Variants in GPM6A observed in about 807,000 individuals in gnomAD.
GPM6A encodes neuronal membrane glycoprotein M6-a.
GPM6A carries 7 observed loss-of-function variants against 32.1 expected under a neutral mutation model. That is an observed-to-expected ratio of 0.22 (90% CI 0.12 to 0.41). The LOEUF is 0.41. Ranked by LOEUF, GPM6A falls within the 10% of genes least tolerant of loss-of-function variation. GPM6A has a pLI of 1.00. For missense variants in GPM6A, 235 were observed against 347.2 expected (o/e 0.68, Z 2.57); for synonymous variants, 130 against 123.4 (o/e 1.05, Z -0.35).
intron 2 of GPM6A, among the ~76,000 whole-genome samples, chr4:175,697,550 T>C (rs539429765): frequency 1.3e-5 from 2 of 152,142 alleles, no homozygotes; most frequent in Non-Finnish European, 2.9e-5. Flanking sequence ...AGTTGCACAC[T>C]TCTTATCAAA....
intron 2 of GPM6A, among the ~76,000 whole-genome samples, chr4:175,674,139 T>A (rs1743234139): frequency 6.6e-6 from 1 of 152,220 alleles, no homozygotes; most frequent in Non-Finnish European, 1.5e-5. Flanking sequence ...AAGCAATAAA[T>A]TATACTTCTA....
chr4:175,769,522 C>A (rs935921287), intron 1 of GPM6A, among the ~76,000 whole-genome samples: 4 of 151,820 alleles, frequency 2.6e-5, no homozygotes, highest in Non-Finnish European at 5.9e-5. Flanking sequence ...CCAGGGCCCC[C>A]CTGTGACTCA....
chr4:175,634,856 T>C lies in GPM6A; in HGVS notation c.*49A>G. ...AAAGGTTGGATGGTTGGATGGCCCT[T>C]AGTTAAACACCAATGCATTCAAATG... On this transcript the variant is annotated 3_prime_UTR_variant, in exon 7 of 7. Transcript: ENST00000393658. 1 of 1,521,400 alleles carries C rather than the reference T, an allele frequency of 6.6e-7. No individual in the cohort carries two copies. The highest frequency in any genetic ancestry group is 9.1e-7 in the Non-Finnish European group (1 of 1,102,028). The allele number at this position is 1,521,400 out of a possible 1,614,324, so 94.2% of individuals were successfully genotyped here.
chr4:175,696,565 T>C (rs756741673), intron 2 of GPM6A, among the ~76,000 whole-genome samples: 2 of 152,222 alleles, frequency 1.3e-5, no homozygotes, highest in Non-Finnish European at 2.9e-5. Context: ...TTTTCTAACA[T>C]GAGTTCTAGT....
intron 2 of GPM6A, among the ~76,000 whole-genome samples, chr4:175,680,586 A>G (rs1162232444): frequency 6.6e-6 from 1 of 152,144 alleles, no homozygotes; most frequent in Non-Finnish European, 1.5e-5. Context: ...CACGTTGTCC[A>G]TCTCATCCAT....
intron 1 of GPM6A, among the ~76,000 whole-genome samples, chr4:175,977,994 A>G (rs1398652742): frequency 6.6e-6 from 1 of 152,154 alleles, no homozygotes; most frequent in Non-Finnish European, 1.5e-5. Context: ...GTTTCTCCAA[A>G]TTTTCCAAAC....
At chr4:175,775,592 G>A (rs1733361702) in intron 1 of GPM6A, among the ~76,000 whole-genome samples, 1 of 152,028 alleles carries the variant, frequency 6.6e-6, no homozygotes, top group South Asian at 2.1e-4. Context: ...TGGCAAATTT[G>A]ATGGAGCAGA....
intron 2 of GPM6A, among the ~76,000 whole-genome samples, chr4:175,678,860 G>GA (rs1743523147): frequency 6.6e-6 from 1 of 152,058 alleles, no homozygotes; most frequent in Admixed American, 6.6e-5. Context: ...CAAATTTACA[G>GA]AAAAAAGTTG....
intron 1 of GPM6A, among the ~76,000 whole-genome samples, chr4:175,991,958 C>A (rs1264134592): frequency 6.6e-6 from 1 of 151,582 alleles, no homozygotes; most frequent in Non-Finnish European, 1.5e-5. Context: ...ATGATTCCAT[C>A]ATAACAGCCA....
chr4:175,893,994 G>A (rs1424033618), intron 1 of GPM6A, among the ~76,000 whole-genome samples: 1 of 152,028 alleles, frequency 6.6e-6, no homozygotes, highest in Non-Finnish European at 1.5e-5. Flanking sequence ...AAATGGATTG[G>A]TCAAAAATCC....
At chr4:175,989,596 C>T (rs1741077051) in intron 1 of GPM6A, among the ~76,000 whole-genome samples, 1 of 151,988 alleles carries the variant, frequency 6.6e-6, no homozygotes, top group African/African-American at 2.4e-5. Flanking sequence ...CCTGCAATTA[C>T]CAACACTTAA....
rs549359924 is a variant in GPM6A at position 175,752,901 on chromosome 4, T to C, written c.38-51134A>G. ...CAGAGAGTGAGACGACTCTGTCCAA[T>C]GGTTCGAAAGGAAAACGTCATGCTT... On this transcript the variant is annotated intron_variant, in intron 1 of 6. Coordinates refer to ENST00000393658, the MANE Select transcript of GPM6A (RefSeq NM_201591.3). Among the ~76,000 whole-genome samples, 11 of 152,254 alleles carry C rather than the reference T, an allele frequency of 7.2e-5. No homozygotes were observed. The South Asian group carries it at 2.3e-3, about 32-fold the overall frequency.
chr4:175,699,228 T>A (rs771168365), intron 2 of GPM6A, among the ~76,000 whole-genome samples: 5 of 152,166 alleles, frequency 3.3e-5, no homozygotes, highest in Non-Finnish European at 7.4e-5. Flanking sequence ...CTTAAGACTC[T>A]CTAAAAGCTA....
rs367985622 is a variant in GPM6A, at chr4:175,781,854, TATTCAGTTA to T, written c.37+30328_37+30336del. 7.2e-5 allele frequency among the ~76,000 whole-genome samples: 11 copies of T among 152,314 alleles called. No homozygotes were observed. In the East Asian group the frequency reaches 2.1e-3, roughly 29 times the overall value. ...TATACTCATGAGACCTTCATTATAATATTCAGTTACCACAAATATTTCCTCCAGTATACA... is the reference window on the plus strand; with the variant it reads ...TATACTCATGAGACCTTCATTATAATCCACAAATATTTCCTCCAGTATACA... On this transcript the variant is annotated intron_variant, in intron 1 of 6. Coordinates refer to ENST00000393658, the MANE Select transcript of GPM6A (RefSeq NM_201591.3).
chr4:175,878,818 A>G (rs1737174474), intron 1 of GPM6A, among the ~76,000 whole-genome samples: 1 of 152,034 alleles, frequency 6.6e-6, no homozygotes, highest in South Asian at 2.1e-4. Flanking sequence ...CTATCACATC[A>G]CCAGGCAGCA....
At chr4:175,993,810 G>A (rs908310769) in intron 1 of GPM6A, among the ~76,000 whole-genome samples, 2 of 152,064 alleles carry the variant, frequency 1.3e-5, no homozygotes, top group Non-Finnish European at 2.9e-5. Flanking sequence ...AATGCAAGGA[G>A]GAAGCAGCTG....
intron 1 of GPM6A, among the ~76,000 whole-genome samples, chr4:175,980,094 C>T (rs1207076714): frequency 6.6e-6 from 1 of 152,106 alleles, no homozygotes; most frequent in African/African-American, 2.4e-5. Context: ...TATCATTTTA[C>T]AAAAGTTAAA....
At chr4:175,891,256 T>G (rs1250235624) in intron 1 of GPM6A, among the ~76,000 whole-genome samples, 1 of 152,244 alleles carries the variant, frequency 6.6e-6, no homozygotes, top group Non-Finnish European at 1.5e-5. Context: ...CTATTTATGC[T>G]TTCTTCTCTC....
At chr4:175,702,634 C>T (rs1241371511) in intron 1 of GPM6A, among the ~76,000 whole-genome samples, 2 of 152,108 alleles carry the variant, frequency 1.3e-5, no homozygotes, top group Non-Finnish European at 2.9e-5. Flanking sequence ...CCTGCCTTAG[C>T]CTCCCAAGTA....
Sources: allele counts gnomAD v4.1 joint callset (sites outside exome capture counted in the v4.1 genomes callset), GRCh38; gene constraint gnomAD v4.1.1; transcripts MANE v1.5; gene names NCBI Gene and HGNC (gene_info 2026-07-23, HGNC 2026-07-21).